The following PPARG variants were observed in gnomAD, a reference collection of about 807,000 sequenced individuals.
PPARG encodes peroxisome proliferator-activated receptor gamma.
A neutral mutation model predicts 39.2 loss-of-function variants in PPARG; 17 were observed. The observed-to-expected ratio is 0.43, with a 90% confidence interval of 0.30 to 0.65. The LOEUF (loss-of-function observed/expected upper bound fraction) is 0.65. Among genes scored for constraint, PPARG ranks in the 30% least tolerant of loss-of-function variants. The probability of loss-of-function intolerance (pLI) is 0.13; values close to 1 mark genes in which losing one functional copy is unlikely to be tolerated. For missense variants in PPARG, 406 were observed against 585.9 expected (o/e 0.69, Z 3.17); for synonymous variants, 223 against 215.7 (o/e 1.03, Z -0.30).
chr3:12,354,757 A>G (rs2048605372), intron 2 of PPARG, among the ~76,000 whole-genome samples: 1 of 148,006 alleles, frequency 6.8e-6, no homozygotes, highest in African/African-American at 2.4e-5. Flanking sequence ...CCATCTCAAA[A>G]AAAAAAAAAA....
At chr3:12,391,025 T>A (rs908286927) in intron 4 of PPARG, among the ~76,000 whole-genome samples, 1 of 152,172 alleles carries the variant, frequency 6.6e-6, no homozygotes, top group South Asian at 2.1e-4. Context: ...ACCTATCGCC[T>A]TTGTAACATC....
chr3:12,366,894 T>G (rs937495500), intron 2 of PPARG, among the ~76,000 whole-genome samples: 6 of 152,200 alleles, frequency 3.9e-5, no homozygotes, highest in Admixed American at 3.9e-4. Flanking sequence ...AGTATTAGGG[T>G]AATTCTAGCC....
intron 1 of PPARG, among the ~76,000 whole-genome samples, chr3:12,294,750 C>T (rs144822893): frequency 2.1e-4 from 32 of 152,144 alleles, no homozygotes; most frequent in African/African-American, 5.5e-4. Flanking sequence ...CAAATTAGCT[C>T]GGCATGGTGG....
chr3:12,362,211 T>C (rs1290963931), intron 2 of PPARG, among the ~76,000 whole-genome samples: 4 of 152,154 alleles, frequency 2.6e-5, no homozygotes, highest in Non-Finnish European at 5.9e-5. Flanking sequence ...ATGAGTTTTT[T>C]TGTGGATTTT....
chr3:12,423,339 C>T (rs995519102), intron 7 of PPARG, among the ~76,000 whole-genome samples: 2 of 152,188 alleles, frequency 1.3e-5, no homozygotes, highest in Admixed American at 6.5e-5. Context: ...CACGGCAGAA[C>T]ACTCATTCCA....
chr3:12,386,866 C>T (rs1225387943), intron 4 of PPARG, among the ~76,000 whole-genome samples: 1 of 151,908 alleles, frequency 6.6e-6, no homozygotes, highest in African/African-American at 2.4e-5. Context: ...CTATCCCTCC[C>T]CCAACCCTCC....
At chr3:12,310,458 C>CTTTTTTTTTTTTTT (rs1204347882) in intron 1 of PPARG, among the ~76,000 whole-genome samples, 1 of 69,912 alleles carries the variant, frequency 1.4e-5, no homozygotes, top group African/African-American at 5.1e-5. Context: ...TATTTGAGCC[C>CTTTTTTTTTTTTTT]TTTTTTTTTT....
chr3:12,334,123 C>G (rs943304074), intron 2 of PPARG, among the ~76,000 whole-genome samples: 4 of 152,066 alleles, frequency 2.6e-5, no homozygotes, highest in African/African-American at 9.7e-5. Flanking sequence ...GCTTATACTT[C>G]TTTGTATAAT....
At chr3:12,346,025 A>G (rs1329485931) in intron 2 of PPARG, among the ~76,000 whole-genome samples, 1 of 152,228 alleles carries the variant, frequency 6.6e-6, no homozygotes, top group Non-Finnish European at 1.5e-5. Flanking sequence ...AATTTCAGAT[A>G]TTACATGCAA....
chr3:12,425,516 C>T (rs926698638), intron 7 of PPARG, among the ~76,000 whole-genome samples: 1 of 152,044 alleles, frequency 6.6e-6, no homozygotes, highest in Admixed American at 6.5e-5. Context: ...CTTATCCTGC[C>T]CAGAGCATCG....
chr3:12,406,617 G>A (rs1259047896), intron 6 of PPARG: 4 of 140,390 alleles, frequency 2.8e-5, no homozygotes, highest in South Asian at 1.9e-4. Flanking sequence ...TCGGCTCACC[G>A]CAACCTCCGC....
At chr3:12,428,801 G>A (rs2051549216) in intron 7 of PPARG, among the ~76,000 whole-genome samples, 1 of 152,230 alleles carries the variant, frequency 6.6e-6, no homozygotes, top group Non-Finnish European at 1.5e-5. Flanking sequence ...AGTAAGTCAG[G>A]TGTTCTAAGT....
At chr3:12,316,163 C>T (rs1424283575) in intron 2 of PPARG, among the ~76,000 whole-genome samples, 1 of 152,132 alleles carries the variant, frequency 6.6e-6, no homozygotes, top group East Asian at 1.9e-4. Flanking sequence ...AAAGAGCAAA[C>T]TCTTAAAAGA....
intron 2 of PPARG, among the ~76,000 whole-genome samples, chr3:12,313,341 C>T (rs942237702): frequency 1.3e-5 from 2 of 152,058 alleles, no homozygotes; most frequent in African/African-American, 4.8e-5. Context: ...GCAGTGACTC[C>T]CCAGTAGCAA....
At chr3:12,397,453 C>T (rs1476377426) in intron 5 of PPARG, among the ~76,000 whole-genome samples, 6 of 149,252 alleles carry the variant, frequency 4.0e-5, no homozygotes, top group African/African-American at 1.5e-4. Context: ...CTCTGTTGCC[C>T]AGGCTGGAGT....
chr3:12,332,220 A>C (rs907507557), intron 2 of PPARG, among the ~76,000 whole-genome samples: 1 of 152,198 alleles, frequency 6.6e-6, no homozygotes, highest in African/African-American at 2.4e-5. Context: ...TGCCTGTGTA[A>C]AATCTTTCTT....
intron 2 of PPARG, among the ~76,000 whole-genome samples, chr3:12,343,130 G>A (rs1005866133): frequency 1.4e-5 from 2 of 144,554 alleles, no homozygotes; most frequent in African/African-American, 2.9e-5. Flanking sequence ...TGGCTCCCCT[G>A]TGTTGATCTA....
In PPARG at chr3:12,405,930, C is replaced by A; in HGVS notation, c.578C>A (p.Ala193Glu). 1 of 1,614,098 alleles carries A rather than the reference C, an allele frequency of 6.2e-7. No homozygotes were observed. The highest frequency in any genetic ancestry group is 8.5e-7 in the Non-Finnish European group (1 of 1,180,012). Reference protein sequence around the residue: ...MPQAEKEKLLAEISSDIDQLN... With the variant: ...MPQAEKEKLLEEISSDIDQLN... ...CAGGCCGAGAAGGAGAAGCTGTTGG[C>A]GGAGATCTCCAGTGATATCGACCAG... The change falls in exon 6 of 8, where the codon GCG becomes GAG. Residue 193 changes from alanine (A) to glutamate (E), a missense_variant. By Grantham distance (107) the Ala-to-Glu change is moderately radical (BLOSUM62 -1). Around this residue, in one of 2 missense-constraint regions of PPARG, gnomAD observed 275 missense variants for 458.0 expected, o/e 0.60. Coordinates refer to ENST00000651735, the MANE Select transcript of PPARG (RefSeq NM_138711.6).
At chr3:12,433,458 A>G (rs1370978017) in intron 7 of PPARG, among the ~76,000 whole-genome samples, 1 of 151,346 alleles carries the variant, frequency 6.6e-6, no homozygotes, top group Non-Finnish European at 1.5e-5. Flanking sequence ...GAATAGCTTG[A>G]TCCCGGGAGG....
Sources: allele counts gnomAD v4.1 joint callset (sites outside exome capture counted in the v4.1 genomes callset), GRCh38; gene constraint gnomAD v4.1.1; regional missense constraint gnomAD v4.1.1; transcripts MANE v1.5; gene names NCBI Gene and HGNC (gene_info 2026-07-23, HGNC 2026-07-21).